RMND1: variants seen among roughly 807,000 people sequenced by gnomAD.
RMND1 encodes the protein required for meiotic nuclear division 1 homolog, also known as required for meiotic nuclear division protein 1 homolog.
In RMND1, 41 loss-of-function variants were observed where a neutral mutation model predicts 54.0. The ratio of observed to expected loss-of-function variants is 0.76; its 90% CI spans 0.59 to 0.98. The LOEUF is 0.98. Ranked by LOEUF, RMND1 falls within the 50% of genes least tolerant of loss-of-function variation. The pLI, the probability that RMND1 is intolerant of heterozygous loss-of-function variation, is 0.00. For missense variants in RMND1, 457 were observed against 532.0 expected, an observed-to-expected ratio of 0.86 and a Z score of 1.39; for synonymous variants, 183 against 181.7, an observed-to-expected ratio of 1.01 and a Z score of -0.06.
At chr6:151,410,426 A>G (rs1290385585) in intron 10 of RMND1, among the ~76,000 whole-genome samples, 1 of 152,124 alleles carries the variant, frequency 6.6e-6, no homozygotes, top group East Asian at 1.9e-4. Flanking sequence ...TTTCTTTTGT[A>G]TTATGTATAA....
At chr6:151,431,631 T>G (rs892772361) in intron 4 of RMND1, among the ~76,000 whole-genome samples, 1 of 152,202 alleles carries the variant, frequency 6.6e-6, no homozygotes, top group African/African-American at 2.4e-5. Context: ...AGGCCACATG[T>G]GGCTATTGAG....
In RMND1 at chr6:151,445,383, C is replaced by G; in HGVS notation, c.429G>C (p.Gln143His). The change falls in exon 2 of 12, where the codon CAG becomes CAC. Residue 143 changes from glutamine to histidine, a missense_variant. Transcript: ENST00000444024. ...TGGATGCTTTTAGTGGTCTCTTCAC[C>G]TGTGGGAAGTCTTGTTTTGGAACAA... ...ETFVPKQDFPQVKRPLKASRT... is the reference protein window; with the variant it reads ...ETFVPKQDFPHVKRPLKASRT... 2 of 1,613,998 alleles carry G rather than the reference C, an allele frequency of 1.2e-6. No individual in the cohort carries two copies. The highest frequency in any genetic ancestry group is 1.7e-5 in the Admixed American group (1 of 60,018).
At chr6:151,421,057 A>G (rs1780136939) in intron 9 of RMND1, 188 bp downstream of exon 9, 1 of 486,978 alleles carries the variant, frequency 2.1e-6, no homozygotes, top group East Asian at 3.3e-5. Context: ...GATTTCTTTC[A>G]GTACAGTCTT....
At chr6:151,430,941 C>T (rs563070093) in intron 4 of RMND1, among the ~76,000 whole-genome samples, 1 of 151,472 alleles carries the variant, frequency 6.6e-6, no homozygotes, top group East Asian at 1.9e-4. Context: ...TGTGTGGGTC[C>T]ATGCTTAGTA....
At chr6:151,415,997 G>C (rs1351317204) in intron 10 of RMND1, among the ~76,000 whole-genome samples, 1 of 148,868 alleles carries the variant, frequency 6.7e-6, no homozygotes, top group East Asian at 1.9e-4. Flanking sequence ...TGTTTTTTTT[G>C]AGATGGAGTC....
At chr6:151,439,589 C>A (rs1780711249) in intron 2 of RMND1, among the ~76,000 whole-genome samples, 1 of 152,220 alleles carries the variant, frequency 6.6e-6, no homozygotes, top group Non-Finnish European at 1.5e-5. Context: ...GTCCCATATA[C>A]AGCTTGGCAT....
intron 10 of RMND1, among the ~76,000 whole-genome samples, chr6:151,410,891 C>T (rs1364233103): frequency 6.6e-6 from 1 of 152,154 alleles, no homozygotes; most frequent in East Asian, 1.9e-4. Flanking sequence ...TCCAGGTCTT[C>T]TACATACAAG....
At chr6:151,430,840 C>T (rs1413565404) in intron 4 of RMND1, among the ~76,000 whole-genome samples, 2 of 151,800 alleles carry the variant, frequency 1.3e-5, no homozygotes, top group Non-Finnish European at 2.9e-5. Context: ...AGGGTCAGTG[C>T]ACTGGAGGAA....
rs1780336606 is a variant in RMND1 at position 151,427,479 on chromosome 6, TACTC to T, written c.829_830+2del. On this transcript the variant is annotated splice_donor_variant and coding_sequence_variant, in exon 6 of 12. Transcript: ENST00000444024. LOFTEE classifies it high-confidence loss of function. The stretch of plus-strand genomic sequence containing the variant: ...TTCATAAATTTGATGAAAAGTTGCT[TACTC>T]TATTTTTATGTAGTTAAGTTCTTCA... 5.8e-6 allele frequency: 9 copies of T among 1,564,184 alleles called. No individual in the cohort carries two copies. The highest frequency in any genetic ancestry group is 7.9e-6 in the Non-Finnish European group (9 of 1,135,612).
intron 9 of RMND1, among the ~76,000 whole-genome samples, chr6:151,418,168 C>T (rs565893501): frequency 6.6e-6 from 1 of 152,066 alleles, no homozygotes; most frequent in Admixed American, 6.5e-5. Flanking sequence ...AATCCCAGCA[C>T]TTTGGAAGGC....
intron 6 of RMND1, among the ~76,000 whole-genome samples, chr6:151,424,268 G>T (rs1352023098): frequency 6.6e-6 from 1 of 152,004 alleles, no homozygotes; most frequent in Non-Finnish European, 1.5e-5. Context: ...AGACCATCCT[G>T]GCTAACATGG....
chr6:151,429,753 G>A (rs1780401985), intron 5 of RMND1, among the ~76,000 whole-genome samples: 1 of 152,026 alleles, frequency 6.6e-6, no homozygotes, highest in South Asian at 2.1e-4. Context: ...TCTTGATTTG[G>A]ATCTTGAAAA....
intron 7 of RMND1, 37 bp from the exon 8 acceptor site, chr6:151,422,642 A>G (rs773158426): frequency 2.2e-5 from 23 of 1,046,688 alleles, no homozygotes; most frequent in Non-Finnish European, 3.3e-5. Flanking sequence ...TTTCTTTATC[A>G]TCATATTCAC....
At chr6:151,450,767 AAG>A (rs1238196156) in intron 1 of RMND1, among the ~76,000 whole-genome samples, 2 of 152,100 alleles carry the variant, frequency 1.3e-5, no homozygotes, top group Middle Eastern at 3.4e-3. Context: ...AAAGGGGGGA[AAG>A]GGGGGGAAAA....
chr6:151,425,484 T>C lies in RMND1; in HGVS notation c.831-1853A>G, dbSNP rs7741876. Among the ~76,000 whole-genome samples, 507 of 152,066 alleles carry C rather than the reference T, an allele frequency of 3.3e-3. 2 individuals are homozygous for C. Among genetic ancestry groups the C allele is most frequent in the African/African-American group, 0.011 (467 of 41,480 alleles). On this transcript the variant is annotated intron_variant, in intron 6 of 11. Transcript: ENST00000444024. The stretch of plus-strand genomic sequence containing the variant: ...CACACACACAAGGGTCTAGCAGTAG[T>C]TGGATATGGAAGTATTTGGTTGGTG...
intron 6 of RMND1, among the ~76,000 whole-genome samples, chr6:151,426,556 T>C (rs1230930249): frequency 1.3e-5 from 2 of 151,984 alleles, no homozygotes; most frequent in Non-Finnish European, 2.9e-5. Flanking sequence ...AAAAACTGGA[T>C]TAAGAGAAAA....
At chr6:151,424,890 G>A (rs1313736959) in intron 6 of RMND1, among the ~76,000 whole-genome samples, 2 of 141,196 alleles carry the variant, frequency 1.4e-5, no homozygotes, top group African/African-American at 5.5e-5. Flanking sequence ...GATGGAGGGC[G>A]GCATCTGCTA....
At chr6:151,443,732 AT>A (rs1470756278) in intron 2 of RMND1, among the ~76,000 whole-genome samples, 1 of 152,232 alleles carries the variant, frequency 6.6e-6, no homozygotes, top group Non-Finnish European at 1.5e-5. Context: ...AACAGAATCC[AT>A]GAAATAACTA....
intron 10 of RMND1, 109 bp downstream of exon 10, chr6:151,417,164 TATAAAG>T (rs779429696): frequency 7.6e-6 from 9 of 1,179,094 alleles, no homozygotes; most frequent in Admixed American, 4.8e-5. Context: ...GAAGGGGAAA[TATAAAG>T]AGATTTGAAT....
Sources: gnomAD v4.1 joint callset for allele counts (sites outside exome capture counted in the v4.1 genomes callset) on GRCh38, gnomAD v4.1.1 for gene constraint, MANE v1.5 for transcripts, NCBI Gene and HGNC (gene_info 2026-07-23, HGNC 2026-07-21) for gene names.